The following STRN3 variants were observed in gnomAD, a reference collection of about 807,000 sequenced individuals.
The protein encoded by STRN3 is striatin-3.
STRN3 carries 29 observed loss-of-function variants against 95.6 expected under a neutral mutation model. The observed-to-expected ratio is 0.30, with a 90% CI of 0.23 to 0.41. STRN3 has a LOEUF of 0.41. Ranked by LOEUF, STRN3 falls within the 10% of genes least tolerant of loss-of-function variation. The pLI is 1.00. For synonymous variants in STRN3, 331 were observed against 357.6 expected (o/e 0.93, Z 0.84); for missense variants, 890 against 972.1 (o/e 0.92, Z 1.12).
chr14:30,911,861 C>T, intron 11 of STRN3, 37 bp from the exon 12 acceptor site: 1 of 1,585,136 alleles, frequency 6.3e-7, no homozygotes, highest in Non-Finnish European at 8.6e-7. Context: ...GAAGAGAAGG[C>T]AATTAAATAA....
At chr14:30,966,640 C>T (rs1269706520) in intron 1 of STRN3, among the ~76,000 whole-genome samples, 1 of 152,152 alleles carries the variant, frequency 6.6e-6, no homozygotes, top group African/African-American at 2.4e-5. Flanking sequence ...GCCGCAGGAG[C>T]TGGTAAAGTA....
At chr14:30,997,053 G>C (rs1233100634) in intron 1 of STRN3, among the ~76,000 whole-genome samples, 1 of 152,030 alleles carries the variant, frequency 6.6e-6, no homozygotes, top group East Asian at 1.9e-4. Context: ...AGGTTCTTTG[G>C]TAGCATAAAA....
chr14:30,945,737 T>C (rs55687047), intron 5 of STRN3, among the ~76,000 whole-genome samples: 14,519 of 152,238 alleles, frequency 0.095, 757 homozygotes, highest in South Asian at 0.16. Flanking sequence ...CTTGAAAATA[T>C]GCTAAGTGAA....
chr14:30,955,701 T>C lies in STRN3; in HGVS notation c.387-8A>G. The C allele has an allele frequency of 6.3e-7, 1 of 1,576,604 alleles. No individual in the cohort carries two copies. Among genetic ancestry groups the C allele is most frequent in the Non-Finnish European group, 8.6e-7 (1 of 1,169,124 alleles). ...AATTTGTGATATTTTGCCCTGAAAA[T>C]TTAATCACAAATTAGTAAAATCACA... On this transcript the variant is annotated splice_polypyrimidine_tract_variant and splice_region_variant and intron_variant, in intron 2 of 17. Transcript: ENST00000357479.
At chr14:30,917,604 G>A (rs1424594706) in intron 9 of STRN3, among the ~76,000 whole-genome samples, 1 of 149,324 alleles carries the variant, frequency 6.7e-6, no homozygotes, top group Non-Finnish European at 1.5e-5. Context: ...TACTTCTAAA[G>A]TAAAACAGGA....
chr14:30,956,327 T>C (rs755612157), intron 1 of STRN3, 85 bp from the exon 2 acceptor site: 70 of 1,234,686 alleles, frequency 5.7e-5, no homozygotes, highest in Admixed American at 3.1e-4. Flanking sequence ...AAACACAAAC[T>C]GTTGCACTTG....
intron 1 of STRN3, among the ~76,000 whole-genome samples, chr14:30,960,598 G>A (rs1880142736): frequency 2.0e-5 from 3 of 152,098 alleles, no homozygotes; most frequent in South Asian, 4.1e-4. Flanking sequence ...GGCTGGGCGC[G>A]GTGGCTCATG....
chr14:30,903,321 A>G (rs1896374949), intron 15 of STRN3, among the ~76,000 whole-genome samples: 1 of 152,280 alleles, frequency 6.6e-6, no homozygotes, highest in African/African-American at 2.4e-5. Context: ...GTTTGAGGAG[A>G]TACTGGGAAA....
intron 8 of STRN3, among the ~76,000 whole-genome samples, chr14:30,927,480 G>A: frequency 6.6e-6 from 1 of 151,686 alleles, no homozygotes; most frequent in African/African-American, 2.4e-5. Flanking sequence ...CTATCAGAGG[G>A]GGAAAATGGA....
intron 5 of STRN3, among the ~76,000 whole-genome samples, chr14:30,945,924 G>A (rs10129393): frequency 0.8 from 121,121 of 152,154 alleles, 48,819 homozygotes; most frequent in Non-Finnish European, 0.87. Flanking sequence ...CTTAGATTGC[G>A]GTGATAGCTG....
chr14:30,933,149 C>T (rs1434907529), intron 7 of STRN3, among the ~76,000 whole-genome samples: 2 of 151,434 alleles, frequency 1.3e-5, no homozygotes, highest in Non-Finnish European at 2.9e-5. Flanking sequence ...GGTGTGGTCA[C>T]ACGCCTGTGG....
chr14:30,999,489 G>A (rs1353347831), intron 1 of STRN3, among the ~76,000 whole-genome samples: 1 of 152,110 alleles, frequency 6.6e-6, no homozygotes, highest in East Asian at 1.9e-4. Context: ...TTTTAAGAAA[G>A]AATCAAACAG....
rs781354129 is a variant in STRN3 at position 30,895,379 on chromosome 14, C to A, written c.*32G>T. 6.4e-7 allele frequency: 1 copy of A among 1,571,060 alleles called. No homozygotes were observed. The highest frequency in any genetic ancestry group is 2.3e-5 in the East Asian group (1 of 44,406). ...GATGCAGACCCTCTTTCTGTCCAAG[C>A]AAATCTTGTTACGATGCAAGTTTTT... is the stretch of plus-strand genomic sequence containing the variant. On this transcript the variant is annotated 3_prime_UTR_variant, in exon 18 of 18. Coordinates refer to ENST00000357479, the MANE Select transcript of STRN3 (RefSeq NM_001083893.2).
At chr14:30,923,149 G>T (rs1036904152) in intron 8 of STRN3, among the ~76,000 whole-genome samples, 2 of 152,158 alleles carry the variant, frequency 1.3e-5, no homozygotes, top group Non-Finnish European at 2.9e-5. Context: ...TTTGTAGTGT[G>T]AGCAAAGGTG....
At chr14:30,912,236 G>T in intron 10 of STRN3, 54 bp from the exon 11 acceptor site, 1 of 1,538,572 alleles carries the variant, frequency 6.5e-7, no homozygotes, top group Non-Finnish European at 8.8e-7. Context: ...TGGAAGGCAT[G>T]TGGAGTGTTT....
At chr14:30,980,394 C>CT (rs1179395478) in intron 1 of STRN3, among the ~76,000 whole-genome samples, 1 of 151,978 alleles carries the variant, frequency 6.6e-6, no homozygotes, top group African/African-American at 2.4e-5. Flanking sequence ...TGCAATGTTT[C>CT]TTTGTTTCTT....
chr14:30,968,544 G>GT (rs1403605434), intron 1 of STRN3, among the ~76,000 whole-genome samples: 2 of 152,022 alleles, frequency 1.3e-5, no homozygotes, highest in African/African-American at 4.8e-5. Flanking sequence ...GCCGGGCATG[G>GT]TGGCGGGTGC....
At chr14:31,014,781 T>TAAA (rs1170504420) in intron 1 of STRN3, 1 of 434,902 alleles carries the variant, frequency 2.3e-6, no homozygotes, top group Non-Finnish European at 4.6e-6. Context: ...TAACCTTTTT[T>TAAA]TCTTTTTCAT....
chr14:30,910,130 T>A (rs1443807447), intron 13 of STRN3, among the ~76,000 whole-genome samples: 1 of 152,226 alleles, frequency 6.6e-6, no homozygotes, highest in Non-Finnish European at 1.5e-5. Context: ...ATCAGATAAC[T>A]TTCTGGCTTA....
Sources: allele counts gnomAD v4.1 joint callset (sites outside exome capture counted in the v4.1 genomes callset), GRCh38; gene constraint gnomAD v4.1.1; transcripts MANE v1.5; gene names NCBI Gene and HGNC (gene_info 2026-07-23, HGNC 2026-07-21).